Variants in GALNT13 observed in about 807,000 individuals in gnomAD.
GALNT13 encodes polypeptide N-acetylgalactosaminyltransferase 13, also known as UDP-GalNAc:polypeptide N-acetylgalactosaminyltransferase 13.
GALNT13 carries 28 observed loss-of-function variants against 64.2 expected under a neutral mutation model. The observed-to-expected ratio is 0.44, with a 90% CI of 0.32 to 0.60. GALNT13 has a LOEUF of 0.60. GALNT13 is among the 20% of genes least tolerant of loss of function. GALNT13 has a pLI of 0.05. For synonymous variants in GALNT13, 214 were observed against 224.6 expected (o/e 0.95, Z 0.42); for missense variants, 577 against 669.8 (o/e 0.86, Z 1.53).
chr2:154,384,593 G>A lies in GALNT13; in HGVS notation c.1157-11398G>A, dbSNP rs567669356. Among the ~76,000 whole-genome samples, 6 of 151,760 alleles carry A rather than the reference G, an allele frequency of 4.0e-5. No individual in the cohort carries two copies. In the South Asian group the frequency reaches 1.2e-3, roughly 32 times the overall value. Reference sequence around the variant, plus strand: ...TTTAGACATAACTAATTCAAAACCAGCTTTTAAATCATATGTCATTCATGT... The same window carrying A: ...TTTAGACATAACTAATTCAAAACCAACTTTTAAATCATATGTCATTCATGT... On this transcript the variant is annotated intron_variant, in intron 9 of 12. Transcript: ENST00000392825.
At chr2:153,891,673 G>C (rs1687561808) in intron 1 of GALNT13, among the ~76,000 whole-genome samples, 1 of 151,984 alleles carries the variant, frequency 6.6e-6, no homozygotes, top group South Asian at 2.1e-4. Flanking sequence ...ATAAAACTAT[G>C]CCTCATCATT....
At chr2:154,127,688 A>G (rs1248330171) in intron 3 of GALNT13, among the ~76,000 whole-genome samples, 1 of 149,106 alleles carries the variant, frequency 6.7e-6, no homozygotes, top group African/African-American at 2.5e-5. Flanking sequence ...AGTCATATAT[A>G]TATCCATATC....
At chr2:154,324,340 C>A (rs1261124497) in intron 9 of GALNT13, among the ~76,000 whole-genome samples, 3 of 151,722 alleles carry the variant, frequency 2.0e-5, no homozygotes, top group African/African-American at 4.8e-5. Context: ...AAATTACATG[C>A]AAAGGGTATA....
chr2:153,150,792 G>A, the GALNT13 span, among the ~76,000 whole-genome samples: 4 of 152,140 alleles, frequency 2.6e-5, no homozygotes, highest in Middle Eastern at 3.4e-3. Context: ...TAGATATGCG[G>A]CATTATTTCT....
At chr2:153,372,581 G>A in the GALNT13 span, among the ~76,000 whole-genome samples, 258 of 152,146 alleles carry the variant, frequency 1.7e-3, 2 homozygotes, top group Non-Finnish European at 2.9e-4. Flanking sequence ...GGGGGGCAGA[G>A]GTTGCAGTGA....
chr2:153,196,845 C>T, the GALNT13 span, among the ~76,000 whole-genome samples: 1 of 152,100 alleles, frequency 6.6e-6, no homozygotes, highest in East Asian at 1.9e-4. Context: ...GGCCCAGCTC[C>T]GACTCCTCCA....
the GALNT13 span, among the ~76,000 whole-genome samples, chr2:153,460,020 A>T: frequency 6.6e-6 from 1 of 152,146 alleles, no homozygotes; most frequent in Non-Finnish European, 1.5e-5. Flanking sequence ...TTTATGGTAT[A>T]TGAGGATTTT....
the GALNT13 span, among the ~76,000 whole-genome samples, chr2:153,084,124 G>A: frequency 6.6e-6 from 1 of 152,166 alleles, no homozygotes; most frequent in African/African-American, 2.4e-5. Flanking sequence ...GTACTATGCT[G>A]TTTTGGTAAC....
At chr2:154,326,719 A>T (rs935339993) in intron 9 of GALNT13, among the ~76,000 whole-genome samples, 8 of 152,168 alleles carry the variant, frequency 5.3e-5, no homozygotes, top group African/African-American at 1.9e-4. Flanking sequence ...AATCGAGCTT[A>T]GCCTTATTAT....
the GALNT13 span, among the ~76,000 whole-genome samples, chr2:153,280,150 T>C: frequency 6.6e-6 from 1 of 152,152 alleles, no homozygotes; most frequent in Non-Finnish European, 1.5e-5. Flanking sequence ...CTAGTTTGTG[T>C]GCATAGGTAT....
Position 153,913,557 on chromosome 2 carries a change from T to C in GALNT13, c.-105+12550T>C, listed in dbSNP as rs1014466251. 3.9e-5 allele frequency among the ~76,000 whole-genome samples: 6 copies of C among 152,164 alleles called. No individual in the cohort carries two copies. In the East Asian group the frequency reaches 1.2e-3, roughly 29 times the overall value. ...CAAATCCTCTGGGCTCTGCATTGGC[T>C]GGAGTTCTGGCTCTAACACTTTTCT... On this transcript the variant is annotated intron_variant, in intron 2 of 12. Coordinates refer to ENST00000392825, the MANE Select transcript of GALNT13 (RefSeq NM_052917.4).
intron 9 of GALNT13, among the ~76,000 whole-genome samples, chr2:154,328,496 T>C (rs1454962711): frequency 6.6e-6 from 1 of 152,118 alleles, no homozygotes; most frequent in Non-Finnish European, 1.5e-5. Context: ...GCTGTGATCA[T>C]TATTTTTCAT....
the GALNT13 span, among the ~76,000 whole-genome samples, chr2:153,670,173 G>A: frequency 6.6e-6 from 1 of 152,182 alleles, no homozygotes; most frequent in African/African-American, 2.4e-5. Context: ...CTGCCTGACA[G>A]CCCTGAAGAG....
the GALNT13 span, among the ~76,000 whole-genome samples, chr2:153,234,680 A>G: frequency 6.6e-6 from 1 of 152,178 alleles, no homozygotes; most frequent in Non-Finnish European, 1.5e-5. Flanking sequence ...GCATGGGTCT[A>G]CTGAGCCTCA....
intron 10 of GALNT13, among the ~76,000 whole-genome samples, chr2:154,405,480 C>T (rs1699488506): frequency 6.6e-6 from 1 of 151,752 alleles, no homozygotes; most frequent in African/African-American, 2.4e-5. Flanking sequence ...GGTGCAGTGG[C>T]TCACACCTGT....
chr2:154,316,275 T>C (rs1289208165), intron 9 of GALNT13, among the ~76,000 whole-genome samples: 2 of 152,160 alleles, frequency 1.3e-5, no homozygotes, highest in African/African-American at 4.8e-5. Flanking sequence ...TTATAAACTT[T>C]GCACATTCTT....
chr2:154,032,659 G>T (rs970852608), intron 3 of GALNT13, among the ~76,000 whole-genome samples: 6 of 151,744 alleles, frequency 4.0e-5, no homozygotes, highest in Non-Finnish European at 7.4e-5. Flanking sequence ...AAATTCATAT[G>T]ATGATCTCAT....
At chr2:153,515,792 G>C in the GALNT13 span, among the ~76,000 whole-genome samples, 1 of 152,076 alleles carries the variant, frequency 6.6e-6, no homozygotes, top group African/African-American at 2.4e-5. Context: ...CCTGCTAAGA[G>C]AATGTTATAT....
chr2:153,795,263 A>G, the GALNT13 span, among the ~76,000 whole-genome samples: 1 of 152,184 alleles, frequency 6.6e-6, no homozygotes, highest in Non-Finnish European at 1.5e-5. Context: ...TTGATTGGAA[A>G]TCTGCTGAAA....
Sources: allele counts gnomAD v4.1 joint callset (sites outside exome capture counted in the v4.1 genomes callset), GRCh38; gene constraint gnomAD v4.1.1; transcripts MANE v1.5; gene names NCBI Gene and HGNC (gene_info 2026-07-23, HGNC 2026-07-21).